The following ENOX2 variants were observed in gnomAD, a reference collection of about 807,000 sequenced individuals.
ENOX2 encodes ecto-NOX disulfide-thiol exchanger 2.
Under a neutral mutation model 45.0 loss-of-function variants are expected in ENOX2, and 36 were observed. The ratio of observed to expected loss-of-function variants is 0.80; its 90% CI spans 0.61 to 1.06. The LOEUF is 1.06. Among genes scored for constraint, ENOX2 ranks in the 50% least tolerant of loss-of-function variants. The pLI is 0.00. For missense variants in ENOX2, 423 were observed against 462.5 expected (o/e 0.91, Z 0.78); for synonymous variants, 174 against 152.3 (o/e 1.14, Z -1.05).
chrX:130,864,503 T>C (rs1396735416), intron 2 of ENOX2, among the ~76,000 whole-genome samples: 6 of 111,928 alleles, frequency 5.4e-5, no homozygotes, highest in Non-Finnish European at 9.4e-5. Flanking sequence ...AGATAATGCT[T>C]GCTGCTTTAA....
At chrX:130,810,203 G>A (rs1045612103) in intron 2 of ENOX2, among the ~76,000 whole-genome samples, 3 of 110,748 alleles carry the variant, frequency 2.7e-5, no homozygotes, top group African/African-American at 9.9e-5. Flanking sequence ...AAATCCCACT[G>A]CTGGGCAGGC....
chrX:130,852,084 G>GA (rs1005960551), intron 2 of ENOX2, among the ~76,000 whole-genome samples: 11 of 111,149 alleles, frequency 9.9e-5, no homozygotes, highest in Admixed American at 9.5e-4. Flanking sequence ...ACTTAGATGA[G>GA]AAAAAAAAGA....
chrX:130,641,289 G>A lies in ENOX2; in HGVS notation c.1130-3879C>T, dbSNP rs2036073825. Among the ~76,000 whole-genome samples, 4 of 111,929 alleles carry A rather than the reference G, an allele frequency of 3.6e-5. No individual in the cohort carries two copies. The South Asian group carries it at 1.5e-3, about 41-fold the overall frequency. On this transcript the variant is annotated intron_variant, in intron 10 of 14. Transcript: ENST00000394363. ...TATATCCGACTTCTTTTCAGAAATT[G>A]TGCAAATAAAAAGTGGAATAAAATA... is the stretch of plus-strand genomic sequence containing the variant.
intron 10 of ENOX2, among the ~76,000 whole-genome samples, chrX:130,647,242 A>G (rs1202011542): frequency 8.9e-6 from 1 of 112,571 alleles, no homozygotes; most frequent in Non-Finnish European, 1.9e-5. Flanking sequence ...CTGTTCTGTC[A>G]ATAGAAACCC....
In ENOX2 at chrX:130,638,603, G is replaced by GAAC. The variant is rs2035998034; in HGVS notation, c.1130-1196_1130-1194dup. On this transcript the variant is annotated intron_variant, in intron 10 of 14. Transcript: ENST00000394363. ...CTGTCTTAATAACAAGTAAAAAGCT[G>GAAC]AACAATGTGAAAAATCAACAACTCT... Among the ~76,000 whole-genome samples, 3 of 111,470 alleles carry GAAC rather than the reference G, an allele frequency of 2.7e-5. No individual in the cohort carries two copies. The South Asian group carries it at 1.1e-3, about 43-fold the overall frequency.
At chrX:130,731,115 G>A (rs775021375) in intron 3 of ENOX2, among the ~76,000 whole-genome samples, 27 of 111,101 alleles carry the variant, frequency 2.4e-4, no homozygotes, top group Non-Finnish European at 4.9e-4. Flanking sequence ...TCAAGACCTG[G>A]GTTTGATTAT....
chrX:130,711,302 T>C (rs915015730), intron 3 of ENOX2, among the ~76,000 whole-genome samples: 3 of 111,967 alleles, frequency 2.7e-5, no homozygotes, highest in Non-Finnish European at 5.6e-5. Context: ...TCTATCATTG[T>C]TTGTGAACAA....
At chrX:130,892,048 G>A (rs777201841) in intron 2 of ENOX2, among the ~76,000 whole-genome samples, 9 of 111,865 alleles carry the variant, frequency 8.0e-5, no homozygotes, top group African/African-American at 2.3e-4. Context: ...CTGTTGGAAA[G>A]TGTCAGTGAT....
chrX:130,667,537 G>A lies in ENOX2; in HGVS notation c.900C>T (p.Leu300=). 1 of 1,206,844 alleles carries A rather than the reference G, an allele frequency of 8.3e-7. No homozygotes were observed. The highest frequency in any genetic ancestry group is 1.8e-5 in the South Asian group (1 of 56,846). ...ACTCTAAGTTCCACTCACATTGAAT[G>A]AGAATTCCAGAAAGGGCCTGCTTGA... The part of the protein sequence containing the change: ...EKFKQALSGI[L]IQFEQIVAVY... The change falls in exon 8 of 15, where the codon CTC becomes CTT. Residue 300 remains leucine (L), a synonymous_variant. Coordinates refer to ENST00000394363, the MANE Select transcript of ENOX2 (RefSeq NM_006375.4).
intron 4 of ENOX2, among the ~76,000 whole-genome samples, chrX:130,691,288 G>A (rs1023946094): frequency 1.1e-4 from 12 of 111,796 alleles, no homozygotes; most frequent in Non-Finnish European, 1.7e-4. Flanking sequence ...GACCTCTGGC[G>A]TGAGAGATAG....
At chrX:130,877,905 G>A (rs2078737687) in intron 2 of ENOX2, among the ~76,000 whole-genome samples, 1 of 112,025 alleles carries the variant, frequency 8.9e-6, no homozygotes, top group Non-Finnish European at 1.9e-5. Flanking sequence ...CAATACAGTA[G>A]GTGCTAGCTA....
At chrX:130,647,212 A>G (rs1255296101) in intron 10 of ENOX2, among the ~76,000 whole-genome samples, 2 of 112,458 alleles carry the variant, frequency 1.8e-5, no homozygotes, top group Non-Finnish European at 3.8e-5. Flanking sequence ...GAGCCTCAGG[A>G]AGATCAGAGG....
At chrX:130,769,624 C>T (rs150917662) in intron 3 of ENOX2, among the ~76,000 whole-genome samples, 2 of 111,590 alleles carry the variant, frequency 1.8e-5, no homozygotes, top group South Asian at 3.8e-4. Context: ...ACCAGATGTA[C>T]GCACTCTGAA....
At chrX:130,783,253 T>C (rs1291567955) in intron 3 of ENOX2, among the ~76,000 whole-genome samples, 2 of 112,137 alleles carry the variant, frequency 1.8e-5, no homozygotes, top group Non-Finnish European at 3.8e-5. Flanking sequence ...CCATGAAGTG[T>C]TCTATAATCC....
chrX:130,721,613 C>G (rs766201852), intron 3 of ENOX2, among the ~76,000 whole-genome samples: 1 of 111,366 alleles, frequency 9.0e-6, no homozygotes, highest in Admixed American at 9.5e-5. Flanking sequence ...ATAGGAGACT[C>G]GGGCAGAGGG....
At position 130,887,578 on chromosome X, in the gene ENOX2, G is replaced by C. The variant is rs966998044; in HGVS notation, c.-183+14106C>G. 7.2e-5 allele frequency among the ~76,000 whole-genome samples: 8 copies of C among 111,325 alleles called. No homozygotes were observed. The East Asian group carries it at 2.3e-3, about 32-fold the overall frequency. ...GACAAGGGCTGGAACTGGCTTTTAT[G>C]AATTGCTATTACTGCATGTGTCACC... is the stretch of plus-strand genomic sequence containing the variant. On this transcript the variant is annotated intron_variant, in intron 2 of 14. Transcript: ENST00000394363.
intron 7 of ENOX2, among the ~76,000 whole-genome samples, chrX:130,668,775 A>G (rs895541397): frequency 2.7e-5 from 3 of 112,100 alleles, no homozygotes; most frequent in Non-Finnish European, 3.8e-5. Flanking sequence ...CCTTTATAGC[A>G]GCTTTTCACT....
chrX:130,685,324 T>C (rs999174332), intron 5 of ENOX2, among the ~76,000 whole-genome samples: 2 of 111,548 alleles, frequency 1.8e-5, no homozygotes, highest in African/African-American at 6.5e-5. Flanking sequence ...AAAAGGACTT[T>C]AGTCTCTATT....
At chrX:130,635,743 G>A (rs1353842448) in intron 11 of ENOX2, among the ~76,000 whole-genome samples, 1 of 111,402 alleles carries the variant, frequency 9.0e-6, no homozygotes, top group Non-Finnish European at 1.9e-5. Context: ...GGCAGAGCTG[G>A]GATTTAAAAC....
Sources: gnomAD v4.1 joint callset for allele counts (sites outside exome capture counted in the v4.1 genomes callset) on GRCh38, gnomAD v4.1.1 for gene constraint, MANE v1.5 for transcripts, NCBI Gene and HGNC (gene_info 2026-07-23, HGNC 2026-07-21) for gene names.